Variants in SORCS3 observed in about 807,000 individuals in gnomAD.
SORCS3 encodes VPS10 domain-containing receptor SorCS3.
A neutral mutation model predicts 146.3 loss-of-function variants in SORCS3; 57 were observed. That is an observed-to-expected ratio of 0.39 (90% CI 0.31 to 0.49). SORCS3 has a LOEUF of 0.49. Ranked by LOEUF, SORCS3 falls within the 20% of genes least tolerant of loss-of-function variation. The probability of loss-of-function intolerance (pLI) is 0.92; values close to 1 mark genes in which losing one functional copy is unlikely to be tolerated. For synonymous variants in SORCS3, 653 were observed against 618.5 expected (o/e 1.06, Z -0.83); for missense variants, 1,341 against 1,575.5 (o/e 0.85, Z 2.52).
In SORCS3 at chr10:105,262,496, A is replaced by C; in HGVS notation, c.3604+5A>C. On this transcript the variant is annotated splice_donor_5th_base_variant and intron_variant, in intron 26 of 26. Transcript: ENST00000369701. ...AGCTGGACACGCGGGTCATAGGTACATGCTCCTGCTCCACTAAGCTCCCCT... is the reference window on the plus strand; with the variant it reads ...AGCTGGACACGCGGGTCATAGGTACCTGCTCCTGCTCCACTAAGCTCCCCT... The C allele has an allele frequency of 1.2e-6, 2 of 1,612,410 alleles. No individual in the cohort carries two copies. The highest frequency in any genetic ancestry group is 1.7e-6 in the Non-Finnish European group (2 of 1,179,244).
chr10:104,954,384 T>C (rs143395058), intron 3 of SORCS3, among the ~76,000 whole-genome samples: 28 of 152,272 alleles, frequency 1.8e-4, no homozygotes, highest in African/African-American at 6.0e-4. Flanking sequence ...TGGGATTGAA[T>C]TGAAGGGTAT....
At chr10:105,034,418 G>A (rs2055292128) in intron 4 of SORCS3, among the ~76,000 whole-genome samples, 1 of 152,266 alleles carries the variant, frequency 6.6e-6, no homozygotes, top group South Asian at 2.1e-4. Context: ...ATAAGTCAGG[G>A]AGGGGAAAAT....
At chr10:105,049,505 C>T (rs73340279) in intron 5 of SORCS3, among the ~76,000 whole-genome samples, 7,033 of 152,132 alleles carry the variant, frequency 0.046, 188 homozygotes, top group Middle Eastern at 0.075. Context: ...TGTAATATCC[C>T]TTAGGTGCAC....
At chr10:104,947,304 G>C (rs1345064057) in intron 3 of SORCS3, among the ~76,000 whole-genome samples, 1 of 152,134 alleles carries the variant, frequency 6.6e-6, no homozygotes, top group African/African-American at 2.4e-5. Flanking sequence ...AGTTTTTGCG[G>C]ATTGAGGGGA....
intron 13 of SORCS3, 64 bp from the exon 14 acceptor site, chr10:105,178,002 A>T: frequency 8.1e-7 from 1 of 1,231,716 alleles, no homozygotes; most frequent in Non-Finnish European, 1.2e-6. Flanking sequence ...AACCTGAAAA[A>T]CGGTTACAGA....
chr10:104,762,715 C>A (rs2133477619), intron 1 of SORCS3, among the ~76,000 whole-genome samples: 1 of 152,246 alleles, frequency 6.6e-6, no homozygotes, highest in Admixed American at 6.5e-5. Flanking sequence ...AAAAGTGTGG[C>A]ACTTCCCCTT....
chr10:104,809,326 T>G (rs910320005), intron 1 of SORCS3, among the ~76,000 whole-genome samples: 1 of 152,198 alleles, frequency 6.6e-6, no homozygotes, highest in Non-Finnish European at 1.5e-5. Context: ...GCCAGCTAAC[T>G]GGCCCTGCTC....
chr10:105,250,008 A>G (rs1323191471), intron 22 of SORCS3, among the ~76,000 whole-genome samples: 2 of 152,200 alleles, frequency 1.3e-5, no homozygotes, highest in Non-Finnish European at 2.9e-5. Context: ...AAACAACAGA[A>G]GTGTATTTCT....
chr10:105,242,880 TTA>T (rs1387061798), intron 20 of SORCS3, among the ~76,000 whole-genome samples: 1 of 107,546 alleles, frequency 9.3e-6, no homozygotes, highest in Non-Finnish European at 1.7e-5. Context: ...TATATATAAA[TTA>T]TATATAATAT....
chr10:105,009,512 A>G (rs1218961810), intron 4 of SORCS3, among the ~76,000 whole-genome samples: 3 of 68,126 alleles, frequency 4.4e-5, no homozygotes, highest in Non-Finnish European at 7.5e-5. Context: ...AAAAACAAAC[A>G]AACAAACAAA....
At chr10:105,184,992 T>G (rs913587107) in intron 14 of SORCS3, among the ~76,000 whole-genome samples, 2 of 152,232 alleles carry the variant, frequency 1.3e-5, no homozygotes, top group Non-Finnish European at 2.9e-5. Flanking sequence ...CCCCTGGCAA[T>G]TATCACTCTA....
At chr10:104,722,325 AGC>A (rs1021102140) in intron 1 of SORCS3, among the ~76,000 whole-genome samples, 7 of 152,190 alleles carry the variant, frequency 4.6e-5, no homozygotes, top group African/African-American at 1.7e-4. Context: ...CCAGGGATGA[AGC>A]CCACTTGATC....
chr10:104,733,683 G>T (rs1472377129), intron 1 of SORCS3, among the ~76,000 whole-genome samples: 3 of 152,158 alleles, frequency 2.0e-5, no homozygotes, highest in African/African-American at 7.2e-5. Flanking sequence ...AAATAAAGCA[G>T]CTTTGGAGTG....
At chr10:104,843,355 G>A (rs900578575) in intron 2 of SORCS3, among the ~76,000 whole-genome samples, 17 of 152,174 alleles carry the variant, frequency 1.1e-4, no homozygotes, top group Non-Finnish European at 2.4e-4. Context: ...TGATCCCCAG[G>A]CAATTTTGCC....
Position 104,834,977 on chromosome 10 carries a change from G to T in SORCS3, c.628-7815G>T, listed in dbSNP as rs144429986. Among the ~76,000 whole-genome samples, 1,218 of 152,064 alleles carry T rather than the reference G, an allele frequency of 8.0e-3. 28 individuals are homozygous for T. Among genetic ancestry groups the T allele is most frequent in the Admixed American group, 0.04 (608 of 15,272 alleles). On this transcript the variant is annotated intron_variant, in intron 1 of 26. Transcript: ENST00000369701. ...TCCCTTAAAAAAAAAACAGAGAAAGGGGTTAACAGTTTTGTAAAATTTCTT... is the reference window on the plus strand; with the variant it reads ...TCCCTTAAAAAAAAAACAGAGAAAGTGGTTAACAGTTTTGTAAAATTTCTT...
intron 1 of SORCS3, among the ~76,000 whole-genome samples, chr10:104,732,346 C>T (rs529179976): frequency 2.0e-5 from 3 of 152,128 alleles, no homozygotes; most frequent in Non-Finnish European, 4.4e-5. Flanking sequence ...GAGGTCAGGG[C>T]CATTGTTACA....
intron 7 of SORCS3, among the ~76,000 whole-genome samples, chr10:105,120,922 G>T (rs2055927987): frequency 6.6e-6 from 1 of 152,100 alleles, no homozygotes; most frequent in African/African-American, 2.4e-5. Context: ...GAGAAGTAAG[G>T]GTGGTGGTAA....
At chr10:104,861,788 A>G (rs1182628382) in intron 2 of SORCS3, among the ~76,000 whole-genome samples, 1 of 152,152 alleles carries the variant, frequency 6.6e-6, no homozygotes, top group Non-Finnish European at 1.5e-5. Context: ...GTGCTTCAAC[A>G]ACAGAAATGT....
At chr10:104,681,510 A>T (rs2015974434) in intron 1 of SORCS3, among the ~76,000 whole-genome samples, 1 of 152,098 alleles carries the variant, frequency 6.6e-6, no homozygotes, top group Non-Finnish European at 1.5e-5. Flanking sequence ...GCTTGGTGGG[A>T]TGAACAGTTC....
Sources: gnomAD v4.1 joint callset for allele counts (sites outside exome capture counted in the v4.1 genomes callset) on GRCh38, gnomAD v4.1.1 for gene constraint, MANE v1.5 for transcripts, NCBI Gene and HGNC (gene_info 2026-07-23, HGNC 2026-07-21) for gene names.